The following PRDM16 variants were observed in gnomAD, a reference collection of about 807,000 sequenced individuals.
The protein encoded by PRDM16 is PR/SET domain 16.
Under a neutral mutation model 110.6 loss-of-function variants are expected in PRDM16, and 23 were observed. That is an observed-to-expected ratio of 0.21 (90% CI 0.15 to 0.29). PRDM16 has a LOEUF of 0.29. PRDM16 is among the 10% of genes least tolerant of loss of function. The pLI is 1.00. For missense variants in PRDM16, 1,615 were observed against 1,794.3 expected (o/e 0.90, Z 1.81); for synonymous variants, 799 against 781.8 (o/e 1.02, Z -0.37).
chr1:3,210,374 C>T (rs1333675306), intron 2 of PRDM16, among the ~76,000 whole-genome samples: 5 of 151,966 alleles, frequency 3.3e-5, no homozygotes, highest in African/African-American at 1.2e-4. Flanking sequence ...GGAAGGCTTT[C>T]CCCCCTCAGA....
chr1:3,241,535 G>T (rs1639674632), intron 2 of PRDM16, among the ~76,000 whole-genome samples: 1 of 152,224 alleles, frequency 6.6e-6, no homozygotes. Flanking sequence ...TGCGTCGCAT[G>T]TAACGCCTTC....
At chr1:3,413,761 G>GCT (rs1643734571) in intron 9 of PRDM16, among the ~76,000 whole-genome samples, 1 of 152,180 alleles carries the variant, frequency 6.6e-6, no homozygotes, top group East Asian at 1.9e-4. Flanking sequence ...GGCAGACAGA[G>GCT]AAGAGCAGGC....
At chr1:3,410,954 C>T (rs1012856714) in intron 8 of PRDM16, among the ~76,000 whole-genome samples, 1 of 152,328 alleles carries the variant, frequency 6.6e-6, no homozygotes, top group Admixed American at 6.5e-5. Flanking sequence ...CAAGCCCATT[C>T]TCCAGCAAAG....
chr1:3,366,561 A>C (rs2100569726), intron 3 of PRDM16, among the ~76,000 whole-genome samples: 2 of 152,320 alleles, frequency 1.3e-5, no homozygotes, highest in Middle Eastern at 6.8e-3. Context: ...GGAAATATCA[A>C]TTCAGAAAGG....
At chr1:3,106,576 T>G (rs1051481721) in intron 1 of PRDM16, among the ~76,000 whole-genome samples, 1 of 152,072 alleles carries the variant, frequency 6.6e-6, no homozygotes, top group Non-Finnish European at 1.5e-5. Context: ...AAGGTGGGGC[T>G]TGGGGAGTTG....
chr1:3,282,791 C>T (rs1298877985), intron 3 of PRDM16, among the ~76,000 whole-genome samples: 6 of 152,146 alleles, frequency 3.9e-5, no homozygotes, highest in African/African-American at 1.2e-4. Context: ...GCCTGGCGAA[C>T]GTGGGACACA....
At chr1:3,429,647 C>T (rs896201079) in intron 14 of PRDM16, among the ~76,000 whole-genome samples, 27 of 152,244 alleles carry the variant, frequency 1.8e-4, no homozygotes, top group African/African-American at 6.0e-4. Flanking sequence ...CCAGCAGCTC[C>T]GTGGCTGAGG....
chr1:3,198,797 T>C (rs1216054884), intron 2 of PRDM16, among the ~76,000 whole-genome samples: 1 of 152,224 alleles, frequency 6.6e-6, no homozygotes, highest in Non-Finnish European at 1.5e-5. Context: ...TCCTTCCTTC[T>C]GGGCTAATGC....
chr1:3,365,608 G>T (rs1318952181), intron 3 of PRDM16, among the ~76,000 whole-genome samples: 1 of 152,244 alleles, frequency 6.6e-6, no homozygotes, highest in Non-Finnish European at 1.5e-5. Context: ...AATACTGGGG[G>T]CTCTGTGCTA....
intron 3 of PRDM16, among the ~76,000 whole-genome samples, chr1:3,313,900 A>G (rs1450587120): frequency 6.6e-6 from 1 of 152,236 alleles, no homozygotes; most frequent in Non-Finnish European, 1.5e-5. Flanking sequence ...GAATGTGAAC[A>G]CTGTTCGCGC....
In PRDM16 at chr1:3,436,011, C is replaced by T. The variant is rs932740949; in HGVS notation, c.*2200C>T. ...GGGAAGGATCCAGGATCTGCAAACA[C>T]AACTGCTCAGGCCTTCTCACGCGTT... On this transcript the variant is annotated 3_prime_UTR_variant, in exon 17 of 17. Transcript: ENST00000270722. 4.3e-6 allele frequency: 1 copy of T among 231,066 alleles called. No individual in the cohort carries two copies. The highest frequency in any genetic ancestry group is 8.6e-6 in the Non-Finnish European group (1 of 116,704). 14.3% of individuals were successfully genotyped at this position (231,066 alleles called of 1,614,324 possible). A position where few individuals can be genotyped will look rare whatever the true frequency, so the allele number is the denominator to read the frequency against.
intron 3 of PRDM16, among the ~76,000 whole-genome samples, chr1:3,259,781 C>T (rs1640123132): frequency 6.6e-6 from 1 of 152,166 alleles, no homozygotes; most frequent in Non-Finnish European, 1.5e-5. Context: ...CCTCCGTGGG[C>T]CTGGGATGCG....
intron 12 of PRDM16, 102 bp downstream of exon 12, chr1:3,418,846 G>A: frequency 2.3e-6 from 2 of 886,468 alleles, no homozygotes; most frequent in Non-Finnish European, 3.7e-6. Flanking sequence ...GCTCCCTGCT[G>A]GAGTGAGCAG....
intron 5 of PRDM16, among the ~76,000 whole-genome samples, chr1:3,402,341 TTAA>T (rs1643486111): frequency 6.6e-6 from 1 of 152,258 alleles, no homozygotes; most frequent in African/African-American, 2.4e-5. Flanking sequence ...CCTCGTAAAC[TTAA>T]TAATAGCTGC....
chr1:3,326,688 G>C (rs903207482), intron 3 of PRDM16, among the ~76,000 whole-genome samples: 1 of 152,214 alleles, frequency 6.6e-6, no homozygotes, highest in Non-Finnish European at 1.5e-5. Context: ...CCATCTGGAG[G>C]AAGGAGGTCT....
chr1:3,161,098 C>T (rs1229797429), intron 1 of PRDM16, among the ~76,000 whole-genome samples: 1 of 152,222 alleles, frequency 6.6e-6, no homozygotes, highest in African/African-American at 2.4e-5. Flanking sequence ...CCTGCCCCAG[C>T]CCTTTCCTCT....
At chr1:3,159,072 G>A (rs1164876087) in intron 1 of PRDM16, among the ~76,000 whole-genome samples, 2 of 152,192 alleles carry the variant, frequency 1.3e-5, no homozygotes, top group East Asian at 1.9e-4. Context: ...GCCAGGCCAA[G>A]ATTTTTCTTT....
chr1:3,241,683 C>A (rs927299727), intron 2 of PRDM16, among the ~76,000 whole-genome samples: 2 of 152,254 alleles, frequency 1.3e-5, no homozygotes. Context: ...GAAGGGCCTC[C>A]GCATGGCGTG....
chr1:3,435,038 G>C lies in PRDM16; in HGVS notation c.*1227G>C, dbSNP rs1334031756. The C allele has an allele frequency of 4.0e-5, 9 of 227,658 alleles. No homozygotes were observed. The highest frequency in any genetic ancestry group is 7.9e-5 in the Non-Finnish European group (9 of 114,582). The allele number at this position is 227,658 out of a possible 1,614,324, so 14.1% of individuals were successfully genotyped here. A position where few individuals can be genotyped will look rare whatever the true frequency, so the allele number is the denominator to read the frequency against. On this transcript the variant is annotated 3_prime_UTR_variant, in exon 17 of 17. Transcript: ENST00000270722. The stretch of plus-strand genomic sequence containing the variant: ...GCGGGTTCTTGGCGAGACACAGCTT[G>C]AGAACAGAAGGGCGTCGGGGGAACC...
Sources: allele counts gnomAD v4.1 joint callset (sites outside exome capture counted in the v4.1 genomes callset), GRCh38; gene constraint gnomAD v4.1.1; transcripts MANE v1.5; gene names NCBI Gene and HGNC (gene_info 2026-07-23, HGNC 2026-07-21).